The following SHISA9 variants were observed in gnomAD, a reference collection of about 807,000 sequenced individuals.
SHISA9 encodes shisa family member 9.
In SHISA9, 13 loss-of-function variants were observed where a neutral mutation model predicts 38.0. The ratio of observed to expected loss-of-function variants is 0.34; its 90% confidence interval spans 0.22 to 0.54. SHISA9 has a LOEUF of 0.54. Among genes scored for constraint, SHISA9 ranks in the 20% least tolerant of loss-of-function variants. The pLI is 0.91. For missense variants in SHISA9, 538 were observed against 575.8 expected (o/e 0.93, Z 0.67); for synonymous variants, 275 against 242.0 (o/e 1.14, Z -1.27).
chr16:13,555,334 T>C, the SHISA9 span, among the ~76,000 whole-genome samples: 1 of 152,162 alleles, frequency 6.6e-6, no homozygotes, highest in Non-Finnish European at 1.5e-5. Flanking sequence ...GACTTCCATA[T>C]AGAAGCGTTT....
chr16:13,139,460 C>T (rs2050380793), intron 2 of SHISA9, among the ~76,000 whole-genome samples: 2 of 141,972 alleles, frequency 1.4e-5, no homozygotes, highest in East Asian at 4.3e-4. Flanking sequence ...CTCCCTCTTT[C>T]TCTCTCTCTC....
intron 2 of SHISA9, among the ~76,000 whole-genome samples, chr16:13,071,195 T>G (rs558763595): frequency 4.6e-5 from 7 of 152,230 alleles, no homozygotes; most frequent in South Asian, 2.1e-4. Context: ...TTATGTTTAT[T>G]TTACAATTTA....
chr16:13,420,211 A>C, the SHISA9 span, among the ~76,000 whole-genome samples: 1 of 120,204 alleles, frequency 8.3e-6, no homozygotes. Flanking sequence ...GCACCACTGC[A>C]CTCCAGCCTG....
intron 2 of SHISA9, among the ~76,000 whole-genome samples, chr16:13,134,394 T>C (rs2050330281): frequency 6.6e-6 from 1 of 152,154 alleles, no homozygotes; most frequent in African/African-American, 2.4e-5. Context: ...TGCCTGACAA[T>C]GTGCAAGGGA....
chr16:13,356,408 T>C, the SHISA9 span, among the ~76,000 whole-genome samples: 2 of 152,246 alleles, frequency 1.3e-5, no homozygotes, highest in South Asian at 4.1e-4. Context: ...GCTTCTGATT[T>C]GGGATAAAGA....
chr16:13,102,427 A>G (rs2073887744), intron 2 of SHISA9, among the ~76,000 whole-genome samples: 1 of 152,078 alleles, frequency 6.6e-6, no homozygotes, highest in South Asian at 2.1e-4. Context: ...TTCTGTCCTC[A>G]CCGCGTGGCC....
intron 2 of SHISA9, among the ~76,000 whole-genome samples, chr16:13,073,019 G>A (rs1193978813): frequency 1.3e-5 from 2 of 152,088 alleles, no homozygotes; most frequent in Non-Finnish European, 2.9e-5. Context: ...TTGAACTCCT[G>A]AGCTTGAGTG....
intron 2 of SHISA9, among the ~76,000 whole-genome samples, chr16:13,126,615 G>A (rs185051272): frequency 3.8e-4 from 56 of 145,904 alleles, no homozygotes; most frequent in African/African-American, 1.4e-3. Context: ...GAGGGAAAGA[G>A]ATGGAGGCAG....
the SHISA9 span, among the ~76,000 whole-genome samples, chr16:13,346,766 A>G: frequency 1.3e-5 from 2 of 152,152 alleles, no homozygotes; most frequent in South Asian, 4.1e-4. Context: ...CTTTTCCCCT[A>G]CCATACCGTA....
chr16:13,191,258 T>C (rs1280166256), intron 2 of SHISA9, among the ~76,000 whole-genome samples: 1 of 152,216 alleles, frequency 6.6e-6, no homozygotes, highest in African/African-American at 2.4e-5. Context: ...GACTAACTAG[T>C]GCAATTGGCC....
At chr16:13,263,770 G>A in the SHISA9 span, among the ~76,000 whole-genome samples, 2 of 152,086 alleles carry the variant, frequency 1.3e-5, no homozygotes, top group East Asian at 1.9e-4. Context: ...GTTTTATTGT[G>A]TAGTATAGTT....
chr16:12,907,760 G>T (rs1268219705), intron 1 of SHISA9, among the ~76,000 whole-genome samples: 1 of 152,162 alleles, frequency 6.6e-6, no homozygotes, highest in Admixed American at 6.5e-5. Context: ...TTTCACGCAG[G>T]AATCCAGATT....
At chr16:13,562,711 C>T in the SHISA9 span, 1 of 151,298 alleles carries the variant, frequency 6.6e-6, no homozygotes, top group Admixed American at 6.6e-5. Context: ...ATCTAGCAAC[C>T]TTACGATGGA....
At chr16:13,141,683 AAT>A (rs993795506) in intron 2 of SHISA9, among the ~76,000 whole-genome samples, 19 of 151,642 alleles carry the variant, frequency 1.3e-4, no homozygotes, top group Admixed American at 6.6e-5. Flanking sequence ...CTCCATCTCA[AAT>A]ATATATATAT....
the SHISA9 span, among the ~76,000 whole-genome samples, chr16:13,310,864 A>G: frequency 6.6e-6 from 1 of 151,818 alleles, no homozygotes; most frequent in African/African-American, 2.4e-5. Flanking sequence ...TTGTATTTTT[A>G]GTAGAGACGG....
At chr16:13,427,689 G>A in the SHISA9 span, among the ~76,000 whole-genome samples, 3 of 152,076 alleles carry the variant, frequency 2.0e-5, no homozygotes, top group African/African-American at 7.2e-5. Context: ...GGGAACTTGA[G>A]AGAAAGAGAT....
At chr16:13,365,454 CTT>C in the SHISA9 span, among the ~76,000 whole-genome samples, 3 of 112,512 alleles carry the variant, frequency 2.7e-5, no homozygotes, top group Admixed American at 1.0e-4. Context: ...GAGTATACCT[CTT>C]TTTTTTTTTT....
At chr16:13,413,654 G>A in the SHISA9 span, among the ~76,000 whole-genome samples, 2 of 150,624 alleles carry the variant, frequency 1.3e-5, no homozygotes, top group African/African-American at 4.9e-5. Context: ...TGCTCAGGGA[G>A]GCTGACACAG....
the SHISA9 span, among the ~76,000 whole-genome samples, chr16:13,322,836 C>T: frequency 6.6e-6 from 1 of 152,070 alleles, no homozygotes; most frequent in Admixed American, 6.6e-5. Flanking sequence ...TCAAACCTGG[C>T]CCGTAAAGTT....
Sources: allele counts gnomAD v4.1 joint callset (sites outside exome capture counted in the v4.1 genomes callset), GRCh38; gene constraint gnomAD v4.1.1; transcripts MANE v1.5; gene names NCBI Gene and HGNC (gene_info 2026-07-23, HGNC 2026-07-21).